Variants in ZNF407 observed in about 807,000 individuals in gnomAD.
The protein encoded by ZNF407 is zinc finger protein 407.
ZNF407 carries 17 observed loss-of-function variants against 131.2 expected under a neutral mutation model. The ratio of observed to expected loss-of-function variants is 0.13; its 90% CI spans 0.09 to 0.19. ZNF407 has a LOEUF of 0.19. Among genes scored for constraint, ZNF407 ranks in the 10% least tolerant of loss-of-function variants. The pLI, the probability that ZNF407 is intolerant of heterozygous loss-of-function variation, is 1.00. For missense variants in ZNF407, 2,681 were observed against 2,830.6 expected (o/e 0.95, Z 1.20); for synonymous variants, 1,156 against 1,062.0 (o/e 1.09, Z -1.72).
intron 4 of ZNF407, among the ~76,000 whole-genome samples, chr18:74,781,772 A>G (rs1484286198): frequency 6.6e-6 from 1 of 152,206 alleles, no homozygotes; most frequent in African/African-American, 2.4e-5. Context: ...ATTAAATTGG[A>G]GGGAATTACC....
At chr18:74,669,926 G>C (rs73971136) in intron 3 of ZNF407, among the ~76,000 whole-genome samples, 3,286 of 152,278 alleles carry the variant, frequency 0.022, 111 homozygotes, top group African/African-American at 0.072. Context: ...GACAAAACCC[G>C]TAGACTCCCT....
intron 8 of ZNF407, among the ~76,000 whole-genome samples, chr18:75,031,227 C>G (rs1455378364): frequency 6.6e-6 from 1 of 152,128 alleles, no homozygotes; most frequent in African/African-American, 2.4e-5. Flanking sequence ...TAATGGTCAT[C>G]ATATTTAAAA....
intron 1 of ZNF407, among the ~76,000 whole-genome samples, chr18:74,629,822 A>G (rs1055936156): frequency 7.2e-5 from 11 of 152,100 alleles, no homozygotes; most frequent in Non-Finnish European, 1.6e-4. Context: ...ATGGAAAATG[A>G]TATGTTTTAA....
chr18:74,805,786 A>C (rs926804578), intron 4 of ZNF407, among the ~76,000 whole-genome samples: 4 of 152,170 alleles, frequency 2.6e-5, no homozygotes, highest in Admixed American at 1.3e-4. Flanking sequence ...ACTGGAACTG[A>C]TTATAATGTT....
chr18:75,026,318 A>G (rs75847469), intron 8 of ZNF407, among the ~76,000 whole-genome samples: 39 of 152,368 alleles, frequency 2.6e-4, no homozygotes, highest in Non-Finnish European at 4.7e-4. Flanking sequence ...ATCAACTGGC[A>G]TAATCCCACA....
At chr18:75,027,885 T>C (rs1490206211) in intron 8 of ZNF407, among the ~76,000 whole-genome samples, 1 of 152,056 alleles carries the variant, frequency 6.6e-6, no homozygotes, top group Non-Finnish European at 1.5e-5. Flanking sequence ...CCACGAGACA[T>C]GGTCAGAATG....
Position 74,632,419 on chromosome 18 carries a change from A to G in ZNF407, c.1400A>G (p.Gln467Arg). The change falls in exon 2 of 9, where the codon CAG (glutamine) becomes CGG (arginine). Residue 467 changes from glutamine to arginine, a missense_variant. Physicochemically the swap from Gln to Arg is conservative, Grantham distance 43. Around this residue, in one of 6 missense-constraint regions of ZNF407, gnomAD observed 1,789 missense variants for 1,748.7 expected, o/e 1.02. Coordinates refer to ENST00000299687, the MANE Select transcript of ZNF407 (RefSeq NM_017757.3). ...QRMYMKHLRT[Q>R]MKTHDAESVL... ...ATGTATATGAAACACTTGAGAACAC[A>G]GATGAAAACACACGATGCAGAATCA... The G allele has an allele frequency of 6.2e-7, 1 of 1,614,082 alleles. No individual in the cohort carries two copies. Among genetic ancestry groups the G allele is most frequent in the Non-Finnish European group, 8.5e-7 (1 of 1,179,902 alleles).
intron 8 of ZNF407, among the ~76,000 whole-genome samples, chr18:74,974,711 C>G (rs997972861): frequency 2.6e-5 from 4 of 152,126 alleles, no homozygotes; most frequent in African/African-American, 9.7e-5. Context: ...TGAGGGGACA[C>G]TAATTTGAGA....
At chr18:74,899,419 G>A (rs533323334) in intron 7 of ZNF407, among the ~76,000 whole-genome samples, 2 of 152,240 alleles carry the variant, frequency 1.3e-5, no homozygotes, top group East Asian at 1.9e-4. Context: ...GCCATCCTTC[G>A]GGTGTGCTGG....
At position 75,063,451 on chromosome 18, in the gene ZNF407, G is replaced by C. The variant is rs1388599853; in HGVS notation, c.5730G>C (p.Gln1910His). The C allele has an allele frequency of 1.2e-6, 2 of 1,608,006 alleles. No individual in the cohort carries two copies. The highest frequency in any genetic ancestry group is 1.7e-6 in the Non-Finnish European group (2 of 1,178,126). ...TGGTGCATATCACGGAGGATGGCCA[G>C]GTCATCGCCACGAGTCAGAGCGGGG... ...ARVVHITEDGQVIATSQSGAH... is the reference protein window; with the variant it reads ...ARVVHITEDGHVIATSQSGAH... The change falls in exon 9 of 9, where the codon CAG becomes CAC. Residue 1910 changes from glutamine to histidine, a missense_variant. Around this residue, in one of 6 missense-constraint regions of ZNF407, gnomAD observed 620 missense variants for 583.1 expected, o/e 1.06. Coordinates refer to ENST00000299687, the MANE Select transcript of ZNF407 (RefSeq NM_017757.3). The surrounding 1 kb of genome is among the most constrained non-coding windows in gnomAD (Gnocchi z 6.6).
chr18:75,063,377 G>A lies in ZNF407; in HGVS notation c.5656G>A (p.Ala1886Thr), dbSNP rs1568316308. ...FALDPSVEET[A>T]AATLQTLAMA... ...CCTGGACCCCTCGGTGGAGGAGACG[G>A]CCGCCGCCACGCTGCAGACGCTGGC... is the stretch of plus-strand genomic sequence containing the variant. The change falls in exon 9 of 9, where the codon GCC (alanine) becomes ACC (threonine). Residue 1886 changes from alanine to threonine, a missense_variant. By Grantham distance (58) the Ala-to-Thr change is moderately conservative. Around this residue, in one of 6 missense-constraint regions of ZNF407, gnomAD observed 620 missense variants for 583.1 expected, o/e 1.06. Transcript: ENST00000299687. The surrounding 1 kb of genome is among the most constrained non-coding windows in gnomAD (Gnocchi z 6.6). The A allele has an allele frequency of 1.2e-6, 2 of 1,610,912 alleles. No homozygotes were observed. Among genetic ancestry groups the A allele is most frequent in the Non-Finnish European group, 1.7e-6 (2 of 1,179,112 alleles).
At chr18:75,016,536 A>ATGTG (rs1973046367) in intron 8 of ZNF407, among the ~76,000 whole-genome samples, 1 of 151,970 alleles carries the variant, frequency 6.6e-6, no homozygotes, top group African/African-American at 2.4e-5. Context: ...GCTGACTCAT[A>ATGTG]TGTGTAATCA....
chr18:74,640,620 A>G (rs551169790), intron 2 of ZNF407, among the ~76,000 whole-genome samples: 92 of 152,348 alleles, frequency 6.0e-4, no homozygotes, highest in Admixed American at 7.2e-4. Flanking sequence ...TTTTAAAAAT[A>G]TCAGCTGCCC....
intron 4 of ZNF407, among the ~76,000 whole-genome samples, chr18:74,783,682 C>CT (rs1170657656): frequency 4.6e-5 from 7 of 152,038 alleles, no homozygotes; most frequent in Non-Finnish European, 8.8e-5. Context: ...TTTCTCCCCT[C>CT]TGACACATGG....
intron 4 of ZNF407, among the ~76,000 whole-genome samples, chr18:74,800,564 G>A (rs1019656531): frequency 9.2e-5 from 14 of 151,924 alleles, no homozygotes; most frequent in African/African-American, 2.9e-4. Context: ...GCCATCTATG[G>A]CCTTCCTAAT....
chr18:75,001,329 G>A (rs1198743511), intron 8 of ZNF407, among the ~76,000 whole-genome samples: 3 of 152,126 alleles, frequency 2.0e-5, no homozygotes, highest in African/African-American at 7.2e-5. Flanking sequence ...TTCTAATTTG[G>A]CATTGGACTG....
chr18:74,992,306 G>A (rs1480571713), intron 8 of ZNF407, among the ~76,000 whole-genome samples: 1 of 152,166 alleles, frequency 6.6e-6, no homozygotes, highest in African/African-American at 2.4e-5. Context: ...GTGGGGGTTG[G>A]GAGTTCTGGA....
intron 4 of ZNF407, among the ~76,000 whole-genome samples, chr18:74,813,517 C>G (rs562475782): frequency 6.6e-6 from 1 of 152,312 alleles, no homozygotes; most frequent in African/African-American, 2.4e-5. Flanking sequence ...GGAAGACCTG[C>G]TTTGCCACTG....
At chr18:74,773,735 A>T (rs1969409918) in intron 3 of ZNF407, among the ~76,000 whole-genome samples, 1 of 152,214 alleles carries the variant, frequency 6.6e-6, no homozygotes, top group Non-Finnish European at 1.5e-5. Context: ...GTGAGCACTC[A>T]TTTACCAAAC....
Sources: allele counts gnomAD v4.1 joint callset (sites outside exome capture counted in the v4.1 genomes callset), GRCh38; gene constraint gnomAD v4.1.1; regional missense constraint gnomAD v4.1.1; non-coding constraint Gnocchi (gnomAD v3.1); transcripts MANE v1.5; gene names NCBI Gene and HGNC (gene_info 2026-07-23, HGNC 2026-07-21).